The following CGREF1 variants were observed in gnomAD, a reference collection of about 807,000 sequenced individuals.
CGREF1 encodes the protein cell growth regulator with EF hand domain protein 1.
CGREF1 carries 16 observed loss-of-function variants against 17.4 expected under a neutral mutation model. That is an observed-to-expected ratio of 0.92 (90% CI 0.62 to 1.40). The LOEUF (loss-of-function observed/expected upper bound fraction) is 1.40, where lower values mean the gene tolerates loss of function less well. Among genes scored for constraint, CGREF1 ranks in the 40% most tolerant of loss-of-function variants. The probability of loss-of-function intolerance (pLI) is 0.00; values close to 1 mark genes in which losing one functional copy is unlikely to be tolerated. For missense variants in CGREF1, 296 were observed against 376.4 expected (o/e 0.79, Z 1.77); for synonymous variants, 142 against 154.6 (o/e 0.92, Z 0.61).
chr2:27,102,876 A>G (rs1670960374), intron 2 of CGREF1: 4 of 956,594 alleles, frequency 4.2e-6, no homozygotes, highest in Non-Finnish European at 5.0e-6. Flanking sequence ...CCTAGTAGAC[A>G]CAAGTTAGAG....
downstream of CGREF1, chr2:27,100,310 C>T (rs903157115): frequency 1.4e-6 from 1 of 691,382 alleles, no homozygotes; most frequent in Non-Finnish European, 2.2e-6. Context: ...GGTGCGCCTC[C>T]TCTGCCCTGC....
intron 2 of CGREF1, 62 bp from the exon 3 acceptor site, chr2:27,102,653 C>A: frequency 6.6e-7 from 1 of 1,509,264 alleles, no homozygotes; most frequent in East Asian, 2.3e-5. Context: ...AGCCTGCCAA[C>A]CTTCTGCCTC....
intron 2 of CGREF1, among the ~76,000 whole-genome samples, chr2:27,103,694 A>G (rs778946020): frequency 1.3e-5 from 2 of 150,704 alleles, no homozygotes; most frequent in Non-Finnish European, 3.0e-5. Context: ...TCTTGATAAC[A>G]AAACTGCAGG....
downstream of CGREF1, chr2:27,099,828 C>G: frequency 6.4e-7 from 1 of 1,565,666 alleles, no homozygotes; most frequent in East Asian, 2.4e-5. Context: ...TCCAGCCTGG[C>G]GTCCAGGTTG....
At position 27,100,914 on chromosome 2, in the gene CGREF1, G is replaced by C. The variant is rs1036824048; in HGVS notation, c.*360C>G. The C allele has an allele frequency of 9.2e-7, 1 of 1,092,570 alleles. No homozygotes were observed. The highest frequency in any genetic ancestry group is 1.1e-6 in the Non-Finnish European group (1 of 897,668). The allele number at this position is 1,092,570 out of a possible 1,614,324, so 67.7% of individuals were successfully genotyped here. A position where few individuals can be genotyped will look rare whatever the true frequency, so the allele number is the denominator to read the frequency against. On this transcript the variant is annotated 3_prime_UTR_variant, in exon 6 of 6. Transcript: ENST00000402394. ...AGGGATAGACTGAGCTTTCCTCACT[G>C]GGTCCTCTGCAGCCGGCCATGGCTA... is the stretch of plus-strand genomic sequence containing the variant.
chr2:27,112,131 G>A (rs771144842), intron 1 of CGREF1, among the ~76,000 whole-genome samples: 1 of 152,308 alleles, frequency 6.6e-6, no homozygotes, highest in South Asian at 2.1e-4. Context: ...TAAAAAATTA[G>A]CTGGGTGTGG....
At chr2:27,115,076 C>G (rs1230672120) in intron 1 of CGREF1, among the ~76,000 whole-genome samples, 4 of 152,180 alleles carry the variant, frequency 2.6e-5, no homozygotes, top group African/African-American at 4.8e-5. Flanking sequence ...TGGTTTGTTA[C>G]ACTGCCATAG....
At chr2:27,099,665 G>A (rs1338230504), downstream of CGREF1, 48 of 1,614,010 alleles carry the variant, frequency 3.0e-5, no homozygotes, top group Non-Finnish European at 3.9e-5. Flanking sequence ...CCTCCTCCAG[G>A]GAGGAGCGTG....
At position 27,102,214 on chromosome 2, in the gene CGREF1, G is replaced by C; in HGVS notation, c.225C>G (p.Leu75=). 1 of 1,611,862 alleles carries C rather than the reference G, an allele frequency of 6.2e-7. No individual in the cohort carries two copies. Among genetic ancestry groups the C allele is most frequent in the South Asian group, 1.1e-5 (1 of 90,932 alleles). The change falls in exon 5 of 6, where the codon CTC becomes CTG. Residue 75 remains leucine, a synonymous_variant. Transcript: ENST00000402394. ...CATAGTCATGGAGGGCAAAGAGGTA[G>C]AGGAGAACTAAAGAGAAGAGAAGCT... ...LEHLSREQVL[L]YLFALHDYDQ...
At chr2:27,110,608 T>C (rs1671332461) in intron 1 of CGREF1, 1 of 152,094 alleles carries the variant, frequency 6.6e-6, no homozygotes, top group Non-Finnish European at 1.5e-5. Context: ...AAAAGCCTAG[T>C]AAAACAGACA....
intron 1 of CGREF1, among the ~76,000 whole-genome samples, chr2:27,112,713 A>T (rs899622222): frequency 2.0e-5 from 3 of 152,270 alleles, no homozygotes; most frequent in Non-Finnish European, 4.4e-5. Flanking sequence ...TGGCTGAACA[A>T]ACCATATTAT....
rs766031217 is a variant in CGREF1, at chr2:27,102,352, C to G, written c.217+8G>C. On this transcript the variant is annotated splice_region_variant and intron_variant, in intron 4 of 5. Coordinates refer to ENST00000402394, the MANE Select transcript of CGREF1 (RefSeq NM_006569.6). ...CCCGTCCCTGGCCCCATCAGCCCAG[C>G]CCCTCACCCTGCTCCCGGCTCAGAT... is the stretch of plus-strand genomic sequence containing the variant. 3.1e-6 allele frequency: 5 copies of G among 1,614,038 alleles called. No individual in the cohort carries two copies. The Admixed American group carries it at 8.3e-5, about 27-fold the overall frequency.
rs1425589028 is a variant in CGREF1, at chr2:27,100,609, C to T, written c.*665G>A. Reference sequence around the variant, plus strand: ...GAGACAGACCTGGATTAAAATCTGCCATTTAATTAGCTGCATATCACCTTA... The same window carrying T: ...GAGACAGACCTGGATTAAAATCTGCTATTTAATTAGCTGCATATCACCTTA... On this transcript the variant is annotated 3_prime_UTR_variant, in exon 6 of 6. Transcript: ENST00000402394. 2.5e-6 allele frequency: 3 copies of T among 1,215,686 alleles called. No individual in the cohort carries two copies. In the East Asian group the frequency reaches 1.7e-4, roughly 69 times the overall value. The allele number at this position is 1,215,686 out of a possible 1,614,324, so 75.3% of individuals were successfully genotyped here.
rs1402720217 is a variant in CGREF1, at chr2:27,101,225, G to A, written c.*49C>T. On this transcript the variant is annotated 3_prime_UTR_variant, in exon 6 of 6. Coordinates refer to ENST00000402394, the MANE Select transcript of CGREF1 (RefSeq NM_006569.6). ...GTACATTTCCCCTGCCCACTTCAGG[G>A]CTTATGTTCTGGCACTGAGACTTCG... is the stretch of plus-strand genomic sequence containing the variant. The A allele has an allele frequency of 1.3e-6, 2 of 1,518,590 alleles. No homozygotes were observed. Among genetic ancestry groups the A allele is most frequent in the Admixed American group, 4.4e-5 (2 of 45,552 alleles). 94.1% of individuals were successfully genotyped at this position (1,518,590 alleles called of 1,614,324 possible).
chr2:27,113,671 G>A (rs1011452478), intron 1 of CGREF1, among the ~76,000 whole-genome samples: 3 of 152,194 alleles, frequency 2.0e-5, no homozygotes, highest in Non-Finnish European at 4.4e-5. Context: ...CTGTGCTTCA[G>A]GTTCTCCATC....
At chr2:27,107,116 T>C (rs1012024584) in intron 1 of CGREF1, among the ~76,000 whole-genome samples, 2 of 152,142 alleles carry the variant, frequency 1.3e-5, no homozygotes, top group South Asian at 4.1e-4. Flanking sequence ...TATGAACTCA[T>C]AGCCAAAACG....
chr2:27,110,152 G>C (rs1280311988), intron 1 of CGREF1, among the ~76,000 whole-genome samples: 2 of 151,782 alleles, frequency 1.3e-5, no homozygotes, highest in Admixed American at 6.6e-5. Flanking sequence ...GAGCCCAGGA[G>C]TTTGAGACCA....
chr2:27,099,754 C>T, downstream of CGREF1: 1 of 1,613,686 alleles, frequency 6.2e-7, no homozygotes, highest in Non-Finnish European at 8.5e-7. Context: ...CGTGTGAGAG[C>T]AGGTGCCGGC....
rs1202585811 is a variant in CGREF1 at position 27,100,948 on chromosome 2, C to T, written c.*326G>A. The T allele has an allele frequency of 7.0e-6, 8 of 1,136,774 alleles. No homozygotes were observed. The highest frequency in any genetic ancestry group is 1.1e-4 in the East Asian group (2 of 18,308). 70.4% of individuals were successfully genotyped at this position (1,136,774 alleles called of 1,614,324 possible). On this transcript the variant is annotated 3_prime_UTR_variant, in exon 6 of 6. Coordinates refer to ENST00000402394, the MANE Select transcript of CGREF1 (RefSeq NM_006569.6). ...GCAGCCGGCCATGGCTAGCACCATG[C>T]GCTCTGCTGCCGGAGCACCGTGAGG...
Sources: gnomAD v4.1 joint callset for allele counts (sites outside exome capture counted in the v4.1 genomes callset) on GRCh38, gnomAD v4.1.1 for gene constraint, MANE v1.5 for transcripts, NCBI Gene and HGNC (gene_info 2026-07-23, HGNC 2026-07-21) for gene names.